Variants in CCBE1 observed in about 807,000 individuals in gnomAD.
CCBE1 encodes collagen and calcium binding EGF domains 1.
A neutral mutation model predicts 50.0 loss-of-function variants in CCBE1; 37 were observed. The ratio of observed to expected loss-of-function variants is 0.74; its 90% CI spans 0.57 to 0.97. The LOEUF is 0.97. Among genes scored for constraint, CCBE1 ranks in the 50% least tolerant of loss-of-function variants. CCBE1 has a pLI of 0.00. For missense variants in CCBE1, 538 were observed against 523.8 expected (o/e 1.03, Z -0.26); for synonymous variants, 234 against 203.7 (o/e 1.15, Z -1.27).
At chr18:59,658,325 A>T (rs1285562771) in intron 2 of CCBE1, among the ~76,000 whole-genome samples, 158 of 6,738 alleles carry the variant, frequency 0.023, 40 homozygotes, top group Non-Finnish European at 0.028. Context: ...TGTCTCTAAA[A>T]AAAAAAAAAA....
intron 2 of CCBE1, among the ~76,000 whole-genome samples, chr18:59,483,217 A>T (rs1423044441): frequency 6.7e-6 from 1 of 149,486 alleles, no homozygotes. Context: ...ATTTTGGTAC[A>T]CTTTATTTTT....
intron 3 of CCBE1, among the ~76,000 whole-genome samples, chr18:59,475,717 A>ACTAT (rs1912274284): frequency 6.8e-6 from 1 of 146,266 alleles, no homozygotes; most frequent in Non-Finnish European, 1.5e-5. Flanking sequence ...ATATTTATTT[A>ACTAT]TTATTTATTT....
intron 2 of CCBE1, among the ~76,000 whole-genome samples, chr18:59,597,536 G>A (rs896344736): frequency 4.0e-5 from 6 of 150,016 alleles, no homozygotes; most frequent in African/African-American, 9.8e-5. Context: ...GGTTGAGGGT[G>A]GGAGGAGAAA....
intron 2 of CCBE1, among the ~76,000 whole-genome samples, chr18:59,537,057 T>C (rs368919592): frequency 7.9e-5 from 12 of 151,850 alleles, no homozygotes; most frequent in African/African-American, 2.4e-4. Flanking sequence ...AAAAGCAAAG[T>C]TAATGCTTAG....
chr18:59,641,933 T>C (rs937348014), intron 2 of CCBE1, among the ~76,000 whole-genome samples: 4 of 152,124 alleles, frequency 2.6e-5, no homozygotes, highest in African/African-American at 7.2e-5. Context: ...TCTCATACTT[T>C]ACATAAAAAA....
intron 2 of CCBE1, among the ~76,000 whole-genome samples, chr18:59,583,556 G>A (rs1370303298): frequency 6.6e-6 from 1 of 152,038 alleles, no homozygotes; most frequent in Admixed American, 6.6e-5. Flanking sequence ...TTTTCTAAAG[G>A]GTGATATAAA....
At chr18:59,625,248 G>C (rs753291075) in intron 2 of CCBE1, among the ~76,000 whole-genome samples, 7 of 151,926 alleles carry the variant, frequency 4.6e-5, no homozygotes, top group Admixed American at 1.3e-4. Context: ...TGGCTAACAC[G>C]GTGAAACCCC....
chr18:59,502,962 A>T (rs1352833414), intron 2 of CCBE1, among the ~76,000 whole-genome samples: 1 of 152,200 alleles, frequency 6.6e-6, no homozygotes, highest in Non-Finnish European at 1.5e-5. Context: ...TGACCAACAA[A>T]CGGCAATCCA....
At chr18:59,696,250 A>C (rs1249438711) in intron 2 of CCBE1, among the ~76,000 whole-genome samples, 1 of 152,200 alleles carries the variant, frequency 6.6e-6, no homozygotes, top group Non-Finnish European at 1.5e-5. Flanking sequence ...AGTGCCAAGA[A>C]TTGCCTTGTT....
intron 2 of CCBE1, among the ~76,000 whole-genome samples, chr18:59,590,369 A>T (rs1037922873): frequency 3.3e-5 from 5 of 152,240 alleles, no homozygotes; most frequent in Non-Finnish European, 5.9e-5. Flanking sequence ...AACACTCTTG[A>T]ACGGCAAAAA....
chr18:59,601,179 A>G, intron 2 of CCBE1, among the ~76,000 whole-genome samples: 1 of 151,602 alleles, frequency 6.6e-6, no homozygotes, highest in Non-Finnish European at 1.5e-5. Context: ...CTAGAGGCGC[A>G]CAACACCATG....
chr18:59,690,760 T>C (rs2054719041), intron 2 of CCBE1, among the ~76,000 whole-genome samples: 1 of 152,222 alleles, frequency 6.6e-6, no homozygotes, highest in Non-Finnish European at 1.5e-5. Context: ...TGAGAAGTGA[T>C]ACAGAACCTT....
chr18:59,697,464 C>T (rs2054827751), upstream of CCBE1: 4 of 1,287,134 alleles, frequency 3.1e-6, no homozygotes, highest in South Asian at 1.5e-5. Context: ...GGGGCGTTTG[C>T]ACCACCTGCA....
rs1297752697 is a variant in CCBE1 at position 59,696,672 on chromosome 18, A to G, written c.169T>C (p.Tyr57His). The change falls in exon 2 of 11, where the codon TAC (tyrosine) becomes CAC (histidine). Residue 57 changes from tyrosine to histidine, a missense_variant. Coordinates refer to ENST00000439986, the MANE Select transcript of CCBE1 (RefSeq NM_133459.4). ...CSESKIATTKYPCLKSSGELT... is the reference protein window; with the variant it reads ...CSESKIATTKHPCLKSSGELT... ...TCGCCTGAAGACTTCAGACACGGGT[A>G]TTTAGTCGTCGCGATTTTGCTCTCT... 1 of 1,614,016 alleles carries G rather than the reference A, an allele frequency of 6.2e-7. No individual in the cohort carries two copies. The highest frequency in any genetic ancestry group is 8.5e-7 in the Non-Finnish European group (1 of 1,179,938).
At chr18:59,455,098 C>G in intron 5 of CCBE1, 147 bp from the exon 6 acceptor site, 1 of 709,704 alleles carries the variant, frequency 1.4e-6, no homozygotes, top group Admixed American at 2.0e-5. Context: ...TTACAGCTCT[C>G]AGGTCCTGCC....
In CCBE1 at chr18:59,619,659, T is replaced by G. The variant is rs1599070131; in HGVS notation, c.212+76970A>C. ...ACTTAATTTTAAAAAGTGATCTTAG[T>G]GTTTTGTTCTTGTCTGGTCAGACTG... On this transcript the variant is annotated intron_variant, in intron 2 of 10. Transcript: ENST00000439986. Among the ~76,000 whole-genome samples, 5 of 152,328 alleles carry G rather than the reference T, an allele frequency of 3.3e-5. No homozygotes were observed. In the South Asian group the frequency reaches 1.0e-3, roughly 32 times the overall value.
intron 2 of CCBE1, among the ~76,000 whole-genome samples, chr18:59,670,824 T>C (rs575857000): frequency 2.6e-5 from 4 of 152,218 alleles, no homozygotes; most frequent in African/African-American, 7.2e-5. Flanking sequence ...GGCTAGCACC[T>C]GTAATCCCAG....
chr18:59,461,158 A>G (rs1201640653), intron 5 of CCBE1, among the ~76,000 whole-genome samples: 2 of 152,090 alleles, frequency 1.3e-5, no homozygotes, highest in African/African-American at 4.8e-5. Flanking sequence ...TTGCTCAGTT[A>G]ATACTGAACC....
chr18:59,514,645 GAAAA>G (rs11438608), intron 2 of CCBE1, among the ~76,000 whole-genome samples: 4 of 96,022 alleles, frequency 4.2e-5, no homozygotes, highest in Non-Finnish European at 4.3e-5. Flanking sequence ...TCCTTTCCTT[GAAAA>G]AAAAAAAAAA....
Sources: allele counts gnomAD v4.1 joint callset (sites outside exome capture counted in the v4.1 genomes callset), GRCh38; gene constraint gnomAD v4.1.1; transcripts MANE v1.5; gene names NCBI Gene and HGNC (gene_info 2026-07-23, HGNC 2026-07-21).